Variants in NUBPL observed in about 807,000 individuals in gnomAD.
The protein encoded by NUBPL is NUBP iron-sulfur cluster assembly factor, mitochondrial.
In NUBPL, 31 loss-of-function variants were observed where a neutral mutation model predicts 45.7. The ratio of observed to expected loss-of-function variants is 0.68; its 90% confidence interval spans 0.51 to 0.92. The LOEUF is 0.92. Among genes scored for constraint, NUBPL ranks in the 40% least tolerant of loss-of-function variants. The probability of loss-of-function intolerance (pLI) is 0.00; values close to 1 mark genes in which losing one functional copy is unlikely to be tolerated. For synonymous variants in NUBPL, 144 were observed against 140.9 expected, an observed-to-expected ratio of 1.02 and a Z score of -0.15; for missense variants, 401 against 398.7, an observed-to-expected ratio of 1.01 and a Z score of -0.05.
At chr14:31,755,650 C>A (rs1290161955) in intron 6 of NUBPL, among the ~76,000 whole-genome samples, 1 of 152,026 alleles carries the variant, frequency 6.6e-6, no homozygotes, top group Non-Finnish European at 1.5e-5. Flanking sequence ...TTGTAGGTTG[C>A]CTGTTCACTC....
intron 3 of NUBPL, among the ~76,000 whole-genome samples, chr14:31,575,803 A>G (rs2033701965): frequency 6.6e-6 from 1 of 152,186 alleles, no homozygotes; most frequent in South Asian, 2.1e-4. Context: ...GTGGTTAGCC[A>G]TTTTGGAGGA....
chr14:31,749,976 A>G (rs1197127623), intron 6 of NUBPL, among the ~76,000 whole-genome samples: 1 of 152,048 alleles, frequency 6.6e-6, no homozygotes, highest in Non-Finnish European at 1.5e-5. Flanking sequence ...CTGATGATCT[A>G]TTCTATTGTT....
intron 6 of NUBPL, among the ~76,000 whole-genome samples, chr14:31,711,346 C>T (rs950852449): frequency 2.6e-5 from 4 of 152,112 alleles, no homozygotes; most frequent in Non-Finnish European, 4.4e-5. Context: ...GTCTGGTTGC[C>T]GCGCTAGTAG....
chr14:31,816,025 G>A (rs2039908711), intron 7 of NUBPL, among the ~76,000 whole-genome samples: 1 of 152,104 alleles, frequency 6.6e-6, no homozygotes, highest in African/African-American at 2.4e-5. Flanking sequence ...GCCAGGTTTT[G>A]GTATCAGGAT....
chr14:31,632,117 A>T (rs898560243), intron 4 of NUBPL, among the ~76,000 whole-genome samples: 26 of 152,214 alleles, frequency 1.7e-4, no homozygotes, highest in Admixed American at 1.6e-3. Context: ...CTTTCCAACC[A>T]AAACACATAG....
At chr14:31,698,959 A>G (rs181139076) in intron 6 of NUBPL, among the ~76,000 whole-genome samples, 2 of 152,000 alleles carry the variant, frequency 1.3e-5, no homozygotes, top group Non-Finnish European at 1.5e-5. Context: ...GGTTCAAGCA[A>G]TTCTCCTGCC....
intron 6 of NUBPL, among the ~76,000 whole-genome samples, chr14:31,729,638 C>T (rs1482501159): frequency 1.3e-5 from 2 of 151,888 alleles, no homozygotes; most frequent in Non-Finnish European, 2.9e-5. Context: ...TGCCTAGGAA[C>T]TTGATTTTTA....
intron 6 of NUBPL, among the ~76,000 whole-genome samples, chr14:31,676,987 A>G (rs1228508836): frequency 6.6e-6 from 1 of 151,796 alleles, no homozygotes; most frequent in Non-Finnish European, 1.5e-5. Flanking sequence ...GTTTACCCCA[A>G]GGTTATAATG....
intron 4 of NUBPL, among the ~76,000 whole-genome samples, chr14:31,604,510 C>T (rs367778825): frequency 1.2e-4 from 19 of 152,258 alleles, no homozygotes; most frequent in African/African-American, 4.6e-4. Flanking sequence ...GAATTGAATC[C>T]CACCTTTATA....
intron 6 of NUBPL, among the ~76,000 whole-genome samples, chr14:31,784,401 T>C: frequency 6.6e-6 from 1 of 152,166 alleles, no homozygotes; most frequent in South Asian, 2.1e-4. Context: ...GAAGTTAATG[T>C]ATAAGGAAAA....
intron 6 of NUBPL, among the ~76,000 whole-genome samples, chr14:31,717,052 C>T (rs2037706058): frequency 6.6e-6 from 1 of 152,172 alleles, no homozygotes; most frequent in South Asian, 2.1e-4. Context: ...CAGATCTCAT[C>T]AAGTTACTTT....
intron 6 of NUBPL, among the ~76,000 whole-genome samples, chr14:31,751,051 T>C (rs4981903): frequency 1 from 151,634 of 152,262 alleles, 75,508 homozygotes; most frequent in Middle Eastern, 1. Context: ...CACTCACTAT[T>C]ATGAGAACAG....
intron 4 of NUBPL, among the ~76,000 whole-genome samples, chr14:31,627,517 G>A (rs1349152889): frequency 2.0e-5 from 3 of 151,984 alleles, no homozygotes; most frequent in Non-Finnish European, 2.9e-5. Context: ...GGTGGCTCAC[G>A]CCTGTAATCC....
Position 31,651,983 on chromosome 14 carries a change from G to A in NUBPL, c.383-21372G>A, listed in dbSNP as rs1421898077. ...AAAGAAGACATGCAAATGACCCATA[G>A]GTGCATGAAAAAATGCTCAACATCA... On this transcript the variant is annotated intron_variant, in intron 4 of 10. Coordinates refer to ENST00000281081, the MANE Select transcript of NUBPL (RefSeq NM_025152.3). Among the ~76,000 whole-genome samples, 8 of 151,888 alleles carry A rather than the reference G, an allele frequency of 5.3e-5. No individual in the cohort carries two copies. In the South Asian group the frequency reaches 6.2e-4, roughly 12 times the overall value.
chr14:31,807,564 C>G (rs1001313042), intron 7 of NUBPL, among the ~76,000 whole-genome samples: 1 of 152,094 alleles, frequency 6.6e-6, no homozygotes, highest in East Asian at 1.9e-4. Flanking sequence ...TTCTCCCATT[C>G]TGTAGGTTGC....
rs1190055510 is a variant in NUBPL at position 31,644,905 on chromosome 14, G to A, written c.383-28450G>A. Among the ~76,000 whole-genome samples the A allele has an allele frequency of 2.6e-5, 4 of 151,952 alleles. No individual in the cohort carries two copies. The East Asian group carries it at 7.7e-4, about 29-fold the overall frequency. Reference sequence around the variant, plus strand: ...CCCTTTATTATTATTGAATGACCTTGTTTGTTCTTTTTTGCACAGTATGAT... The same window carrying A: ...CCCTTTATTATTATTGAATGACCTTATTTGTTCTTTTTTGCACAGTATGAT... On this transcript the variant is annotated intron_variant, in intron 4 of 10. Transcript: ENST00000281081.
chr14:31,812,789 C>G (rs1171372710), intron 7 of NUBPL, among the ~76,000 whole-genome samples: 1 of 152,056 alleles, frequency 6.6e-6, no homozygotes, highest in East Asian at 1.9e-4. Flanking sequence ...CTTAACTTTA[C>G]TGGAGACATC....
intron 6 of NUBPL, among the ~76,000 whole-genome samples, chr14:31,752,841 TTCCACA>T (rs1307636448): frequency 1.3e-5 from 2 of 152,216 alleles, no homozygotes; most frequent in African/African-American, 4.8e-5. Context: ...AACTCACATG[TTCCACA>T]TGGCTGGGGA....
chr14:31,629,773 A>G (rs747220826), intron 4 of NUBPL, among the ~76,000 whole-genome samples: 2 of 152,194 alleles, frequency 1.3e-5, no homozygotes, highest in African/African-American at 2.4e-5. Context: ...CAAAGAGAAC[A>G]TGTCATACTT....
Sources: allele counts gnomAD v4.1 joint callset (sites outside exome capture counted in the v4.1 genomes callset), GRCh38; gene constraint gnomAD v4.1.1; transcripts MANE v1.5; gene names NCBI Gene and HGNC (gene_info 2026-07-23, HGNC 2026-07-21).